GRID2: variants seen among roughly 807,000 people sequenced by gnomAD.
GRID2 encodes the protein glutamate receptor ionotropic, delta-2.
Under a neutral mutation model 114.8 loss-of-function variants are expected in GRID2, and 33 were observed. The observed-to-expected ratio is 0.29, with a 90% CI of 0.22 to 0.38. The LOEUF (loss-of-function observed/expected upper bound fraction) is 0.38, where lower values mean the gene tolerates loss of function less well. Among genes scored for constraint, GRID2 ranks in the 10% least tolerant of loss-of-function variants. GRID2 has a pLI of 1.00. For synonymous variants in GRID2, 505 were observed against 449.9 expected (o/e 1.12, Z -1.55); for missense variants, 1,184 against 1,257.7 (o/e 0.94, Z 0.89).
chr4:93,228,995 T>A (rs1745809254), intron 7 of GRID2, among the ~76,000 whole-genome samples: 1 of 152,180 alleles, frequency 6.6e-6, no homozygotes. Flanking sequence ...TTTGTGGGAC[T>A]ATGTGTACAT....
intron 2 of GRID2, among the ~76,000 whole-genome samples, chr4:92,906,448 A>G (rs929554927): frequency 7.9e-6 from 1 of 127,302 alleles, no homozygotes; most frequent in Non-Finnish European, 1.8e-5. Context: ...GAATTTTAGC[A>G]CTTTGGTGGA....
chr4:93,157,883 C>T (rs1737326014), intron 4 of GRID2, among the ~76,000 whole-genome samples: 1 of 151,722 alleles, frequency 6.6e-6, no homozygotes, highest in African/African-American at 2.4e-5. Flanking sequence ...TGCTTAAATT[C>T]ATGTTTCATT....
At chr4:92,723,090 G>A (rs1735890394) in intron 2 of GRID2, among the ~76,000 whole-genome samples, 1 of 151,778 alleles carries the variant, frequency 6.6e-6, no homozygotes, top group Non-Finnish European at 1.5e-5. Flanking sequence ...TATGAATAAT[G>A]GATAAGGCCT....
chr4:92,671,832 G>T (rs62310175), intron 2 of GRID2, among the ~76,000 whole-genome samples: 9,259 of 152,072 alleles, frequency 0.061, 340 homozygotes, highest in East Asian at 0.16. Context: ...AGTCATATCA[G>T]TTCTCAGATA....
At chr4:93,225,873 G>A (rs1397002551) in intron 7 of GRID2, among the ~76,000 whole-genome samples, 4 of 152,046 alleles carry the variant, frequency 2.6e-5, no homozygotes, top group African/African-American at 9.7e-5. Flanking sequence ...CCAAGACCAT[G>A]GCACCCACAT....
intron 1 of GRID2, among the ~76,000 whole-genome samples, chr4:92,373,945 G>T (rs1729235060): frequency 6.6e-6 from 1 of 152,074 alleles, no homozygotes; most frequent in South Asian, 2.1e-4. Context: ...AGGAAGTCTG[G>T]CTGTAGATTC....
At chr4:92,444,670 A>G (rs1733350528) in intron 1 of GRID2, among the ~76,000 whole-genome samples, 1 of 152,172 alleles carries the variant, frequency 6.6e-6, no homozygotes, top group Admixed American at 6.5e-5. Flanking sequence ...TACTATGGAT[A>G]TAATGTAAAA....
rs1222369272 is a variant in GRID2, at chr4:93,356,490, G to A, written c.1246-39117G>A. On this transcript the variant is annotated intron_variant, in intron 8 of 15. Transcript: ENST00000282020. ...TTTTATTACCATTTGTTTCATTTAT[G>A]GAAAATGCTTTTATGATTTTTTTCT... 1.3e-4 allele frequency among the ~76,000 whole-genome samples: 20 copies of A among 151,306 alleles called. 1 individual carries two copies. The highest frequency in any genetic ancestry group is 2.9e-5 in the Non-Finnish European group (2 of 67,802).
rs1430482142 is a variant in GRID2, at chr4:92,822,339, C to T, written c.244+232053C>T. On this transcript the variant is annotated intron_variant, in intron 2 of 15. Coordinates refer to ENST00000282020, the MANE Select transcript of GRID2 (RefSeq NM_001510.4). ...AGGGATCCATCTGGAGAGACAGTCACAGTGTTCAGATGGACTGTGTGGCCA... is the reference window on the plus strand; with the variant it reads ...AGGGATCCATCTGGAGAGACAGTCATAGTGTTCAGATGGACTGTGTGGCCA... The T allele has an allele frequency of 6.4e-6, 4 of 628,066 alleles. No homozygotes were observed. In the East Asian group the frequency reaches 1.3e-4, roughly 20 times the overall value. 38.9% of individuals were successfully genotyped at this position (628,066 alleles called of 1,614,324 possible). A position where few individuals can be genotyped will look rare whatever the true frequency, so the allele number is the denominator to read the frequency against.
At chr4:93,749,782 C>G (rs1337377932) in intron 14 of GRID2, among the ~76,000 whole-genome samples, 2 of 152,184 alleles carry the variant, frequency 1.3e-5, no homozygotes, top group Non-Finnish European at 2.9e-5. Flanking sequence ...TTTTTGCTCT[C>G]CATCTCTTAG....
chr4:92,377,868 C>A (rs1729429036), intron 1 of GRID2, among the ~76,000 whole-genome samples: 1 of 152,184 alleles, frequency 6.6e-6, no homozygotes, highest in East Asian at 1.9e-4. Flanking sequence ...TTGCTTCCCA[C>A]CAGGTCCCTT....
At position 93,455,983 on chromosome 4, in the gene GRID2, CA is replaced by C; in HGVS notation, c.1858+13del. ...ATCTTTTGTACAACAAGGTAAGGAG[CA>C]AAAGTACATTCTAGTATTTAAAAAA... On this transcript the variant is annotated intron_variant, in intron 11 of 15. Transcript: ENST00000282020. 1 of 1,495,748 alleles carries C rather than the reference CA, an allele frequency of 6.7e-7. No homozygotes were observed. Among genetic ancestry groups the C allele is most frequent in the Non-Finnish European group, 9.3e-7 (1 of 1,072,466 alleles). The allele number at this position is 1,495,748 out of a possible 1,614,324, so 92.7% of individuals were successfully genotyped here. A position where few individuals can be genotyped will look rare whatever the true frequency, so the allele number is the denominator to read the frequency against.
At chr4:93,706,235 A>C (rs1258823588) in intron 14 of GRID2, among the ~76,000 whole-genome samples, 1 of 152,130 alleles carries the variant, frequency 6.6e-6, no homozygotes, top group Non-Finnish European at 1.5e-5. Context: ...TGGCATTTTG[A>C]TAGGGATTGC....
At chr4:93,658,733 G>A (rs1015147774) in intron 14 of GRID2, among the ~76,000 whole-genome samples, 1 of 152,176 alleles carries the variant, frequency 6.6e-6, no homozygotes, top group African/African-American at 2.4e-5. Context: ...TAAGGGATGA[G>A]GATGCTTGGC....
At chr4:93,022,452 T>C (rs962618466) in intron 2 of GRID2, among the ~76,000 whole-genome samples, 3 of 151,982 alleles carry the variant, frequency 2.0e-5, no homozygotes, top group South Asian at 4.1e-4. Flanking sequence ...TTTTTCACAT[T>C]GTCTTGCAAG....
intron 13 of GRID2, among the ~76,000 whole-genome samples, chr4:93,567,627 G>C (rs1029347587): frequency 2.0e-5 from 3 of 152,148 alleles, no homozygotes; most frequent in Admixed American, 6.5e-5. Flanking sequence ...TGTTGTGTTG[G>C]GAAATAAAAG....
chr4:93,200,402 TA>T (rs1741951059), intron 4 of GRID2, among the ~76,000 whole-genome samples: 1 of 151,926 alleles, frequency 6.6e-6, no homozygotes, highest in Non-Finnish European at 1.5e-5. Flanking sequence ...CCGTCTCTAC[TA>T]AAAATACAAA....
intron 4 of GRID2, among the ~76,000 whole-genome samples, chr4:93,198,312 A>G (rs1741709735): frequency 6.6e-6 from 1 of 152,172 alleles, no homozygotes; most frequent in African/African-American, 2.4e-5. Context: ...GAATAGGACA[A>G]AAGTAACAGA....
In GRID2 at chr4:93,104,791, T is replaced by C. The variant is rs563816707; in HGVS notation, c.530-5957T>C. Among the ~76,000 whole-genome samples the C allele has an allele frequency of 1.8e-3, 281 of 152,336 alleles. 1 individual carries two copies. Among genetic ancestry groups the C allele is most frequent in the African/African-American group, 6.4e-3 (266 of 41,588 alleles). On this transcript the variant is annotated intron_variant, in intron 3 of 15. Transcript: ENST00000282020. ...ATACGTGTGCATGTGTCTTTATAGC[T>C]ACATGATTTACAGTCCTTTGGGTAT...
Sources: allele counts gnomAD v4.1 joint callset (sites outside exome capture counted in the v4.1 genomes callset), GRCh38; gene constraint gnomAD v4.1.1; transcripts MANE v1.5; gene names NCBI Gene and HGNC (gene_info 2026-07-23, HGNC 2026-07-21).